The following PRDM1 variants were observed in gnomAD, a reference collection of about 807,000 sequenced individuals.
PRDM1 encodes PR domain zinc finger protein 1.
In PRDM1, 13 loss-of-function variants were observed where a neutral mutation model predicts 62.8. The ratio of observed to expected loss-of-function variants is 0.21; its 90% CI spans 0.13 to 0.33. The LOEUF is 0.33. Ranked by LOEUF, PRDM1 falls within the 10% of genes least tolerant of loss-of-function variation. The pLI is 1.00. For missense variants in PRDM1, 895 were observed against 1,058.8 expected (o/e 0.85, Z 2.15); for synonymous variants, 396 against 417.6 (o/e 0.95, Z 0.63).
At chr6:106,018,011 G>A (rs898219446) in intron 1 of PRDM1, among the ~76,000 whole-genome samples, 18 of 152,110 alleles carry the variant, frequency 1.2e-4, no homozygotes, top group African/African-American at 4.1e-4. Flanking sequence ...TGGATTTATT[G>A]CTGAGGAAAT....
chr6:106,002,108 T>A (rs1772432693), intron 1 of PRDM1, among the ~76,000 whole-genome samples: 1 of 151,954 alleles, frequency 6.6e-6, no homozygotes. Context: ...AGTGTTGGGT[T>A]GCAAAAAAAA....
chr6:106,107,219 C>T lies in PRDM1; in HGVS notation c.2211C>T (p.Asp737=), dbSNP rs1774518343. ...NEEIEKFDIS[D]NADRLEDVED... ...AAATCGAGAAGTTTGACATCAGTGA[C>T]AATGCTGACCGGCTCGAGGACGTGG... Residue 737 remains aspartate (D), a synonymous_variant, in exon 7 of 7, where the codon GAC becomes GAT. Transcript: ENST00000369096. The T allele has an allele frequency of 6.2e-7, 1 of 1,614,206 alleles. No individual in the cohort carries two copies. Among genetic ancestry groups the T allele is most frequent in the Non-Finnish European group, 8.5e-7 (1 of 1,180,046 alleles).
intron 1 of PRDM1, among the ~76,000 whole-genome samples, chr6:106,001,432 TA>T (rs1024842199): frequency 4.6e-5 from 7 of 152,234 alleles, no homozygotes; most frequent in African/African-American, 1.7e-4. Flanking sequence ...AATTCTCATC[TA>T]AAAGTTATAG....
intron 1 of PRDM1, among the ~76,000 whole-genome samples, chr6:106,014,441 C>CAA (rs10625805): frequency 0.81 from 119,455 of 147,408 alleles, 48,254 homozygotes; most frequent in South Asian, 0.87. Flanking sequence ...AAGAAATGTT[C>CAA]AAAAAAAAAA....
chr6:106,094,257 G>A (rs965769454), intron 2 of PRDM1, among the ~76,000 whole-genome samples: 1 of 152,146 alleles, frequency 6.6e-6, no homozygotes, highest in African/African-American at 2.4e-5. Flanking sequence ...CCTCCTCCTT[G>A]GTCCATTTTA....
chr6:106,088,477 ATTGG>A, intron 2 of PRDM1, 28 bp downstream of exon 2: 1 of 1,613,102 alleles, frequency 6.2e-7, no homozygotes, highest in Non-Finnish European at 8.5e-7. Context: ...TGACAAGAAG[ATTGG>A]GGACCTGGTG....
chr6:106,081,508 C>T (rs1173861702), upstream of PRDM1, among the ~76,000 whole-genome samples: 1 of 152,178 alleles, frequency 6.6e-6, no homozygotes, highest in African/African-American at 2.4e-5. Context: ...ACCTCTGGTC[C>T]TCAGTTTCCT....
chr6:105,997,485 T>G (rs191506541), intron 1 of PRDM1, among the ~76,000 whole-genome samples: 1 of 152,382 alleles, frequency 6.6e-6, no homozygotes, highest in East Asian at 1.9e-4. Context: ...AATTGTTTGT[T>G]TGTTCTTCAT....
chr6:106,057,054 T>C (rs749259119), intron 1 of PRDM1, among the ~76,000 whole-genome samples: 10 of 152,258 alleles, frequency 6.6e-5, no homozygotes, highest in Non-Finnish European at 1.2e-4. Context: ...TTGTACTACG[T>C]AGGATTTATC....
At chr6:106,014,193 G>A (rs1187412378) in intron 1 of PRDM1, among the ~76,000 whole-genome samples, 1 of 150,412 alleles carries the variant, frequency 6.6e-6, no homozygotes, top group East Asian at 2.0e-4. Context: ...CTGAATAGCT[G>A]GGACCACAGG....
intron 1 of PRDM1, among the ~76,000 whole-genome samples, chr6:106,032,205 C>G (rs1219139217): frequency 6.6e-6 from 1 of 152,122 alleles, no homozygotes; most frequent in African/African-American, 2.4e-5. Flanking sequence ...GCTCTGTCAC[C>G]CAGGCTGGAG....
chr6:106,014,208 C>A (rs985656314), intron 1 of PRDM1, among the ~76,000 whole-genome samples: 1 of 151,762 alleles, frequency 6.6e-6, no homozygotes, highest in African/African-American at 2.4e-5. Flanking sequence ...CACAGGCATG[C>A]ACCACCATGC....
rs985486133 is a variant in PRDM1, at chr6:105,994,680, T to C, written c.-67+1041T>C. Among the ~76,000 whole-genome samples the C allele has an allele frequency of 1.3e-5, 2 of 152,168 alleles. No homozygotes were observed. Among genetic ancestry groups the C allele is most frequent in the African/African-American group, 4.8e-5 (2 of 41,440 alleles). On this transcript the variant is annotated intron_variant, in intron 1 of 6. Transcript: ENST00000652320. This position sits in a 1 kb window ranked among gnomAD's most constrained non-coding sequence, Gnocchi z 4.1. ...GTGTCGCGGGACTCCAGAAGTGGGT[T>C]GTGCAAGACAAACTTCCAGATAAAT...
intron 1 of PRDM1, among the ~76,000 whole-genome samples, chr6:106,057,394 T>G (rs946539823): frequency 3.9e-5 from 6 of 152,238 alleles, no homozygotes; most frequent in African/African-American, 1.2e-4. Context: ...TTCATCCACC[T>G]GCCAGATATA....
At chr6:106,057,898 T>C (rs1489056009) in intron 1 of PRDM1, among the ~76,000 whole-genome samples, 1 of 152,206 alleles carries the variant, frequency 6.6e-6, no homozygotes, top group Non-Finnish European at 1.5e-5. Flanking sequence ...GAGAGGTATA[T>C]TCTGAAAATC....
At chr6:106,022,704 C>T (rs1055100630) in intron 1 of PRDM1, among the ~76,000 whole-genome samples, 6 of 152,034 alleles carry the variant, frequency 3.9e-5, no homozygotes, top group African/African-American at 1.2e-4. Context: ...GGATTACAGG[C>T]GTGAGCCACC....
intron 1 of PRDM1, among the ~76,000 whole-genome samples, chr6:106,055,138 G>A (rs1773242128): frequency 1.3e-5 from 2 of 152,158 alleles, no homozygotes; most frequent in Non-Finnish European, 2.9e-5. Flanking sequence ...TAATTCTCAC[G>A]AAGCATGACT....
At position 106,105,352 on chromosome 6, in the gene PRDM1, C is replaced by G. The variant is rs1562174012; in HGVS notation, c.1192C>G (p.Leu398Val). ...SYPGYAPLPH[L>V]PPAFIPSYNA... is the part of the protein sequence containing the mutation. ...CCCTGGCTACGCACCCCTGCCCCACCTCCCGCCAGCTTTCATCCCCTCGTA... is the reference window on the plus strand; with the variant it reads ...CCCTGGCTACGCACCCCTGCCCCACGTCCCGCCAGCTTTCATCCCCTCGTA... The change falls in exon 5 of 7, where the codon CTC (leucine) becomes GTC (valine). Residue 398 changes from leucine to valine, a missense_variant. Transcript: ENST00000369096. 5.6e-6 allele frequency: 9 copies of G among 1,613,546 alleles called. No homozygotes were observed. Among genetic ancestry groups the G allele is most frequent in the Non-Finnish European group, 7.6e-6 (9 of 1,179,716 alleles).
chr6:106,109,633 T>C lies in PRDM1; in HGVS notation c.*2147T>C. 8.6e-6 allele frequency: 2 copies of C among 233,522 alleles called. No individual in the cohort carries two copies. The highest frequency in any genetic ancestry group is 1.7e-5 in the Non-Finnish European group (2 of 117,876). The allele number at this position is 233,522 out of a possible 1,614,324, so 14.5% of individuals were successfully genotyped here. ...TTGACATTAGACCAAATACTTTTGA[T>C]TCCCAACTACTCGTTTGTTCTTTTT... On this transcript the variant is annotated 3_prime_UTR_variant, in exon 7 of 7. Coordinates refer to ENST00000369096, the MANE Select transcript of PRDM1 (RefSeq NM_001198.4).
Sources: allele counts gnomAD v4.1 joint callset (sites outside exome capture counted in the v4.1 genomes callset), GRCh38; gene constraint gnomAD v4.1.1; non-coding constraint Gnocchi (gnomAD v3.1); transcripts MANE v1.5; gene names NCBI Gene and HGNC (gene_info 2026-07-23, HGNC 2026-07-21).